Variants in PPARGC1A observed in about 807,000 individuals in gnomAD.
PPARGC1A encodes PPARG coactivator 1 alpha.
PPARGC1A carries 25 observed loss-of-function variants against 88.7 expected under a neutral mutation model. The ratio of observed to expected loss-of-function variants is 0.28; its 90% CI spans 0.21 to 0.39. The LOEUF (loss-of-function observed/expected upper bound fraction) is 0.39. PPARGC1A is among the 10% of genes least tolerant of loss of function. The pLI, the probability that PPARGC1A is intolerant of heterozygous loss-of-function variation, is 1.00. For missense variants in PPARGC1A, 880 were observed against 968.7 expected, an observed-to-expected ratio of 0.91 and a Z score of 1.22; for synonymous variants, 363 against 355.6, an observed-to-expected ratio of 1.02 and a Z score of -0.24.
chr4:24,282,428 C>T, the PPARGC1A span, among the ~76,000 whole-genome samples: 1 of 152,132 alleles, frequency 6.6e-6, no homozygotes, highest in Admixed American at 6.5e-5. Flanking sequence ...TTGTTGCCCC[C>T]AAATCAGCTG....
At chr4:24,423,302 C>T in the PPARGC1A span, among the ~76,000 whole-genome samples, 2 of 152,190 alleles carry the variant, frequency 1.3e-5, no homozygotes, top group African/African-American at 2.4e-5. Flanking sequence ...CCATGTTTGA[C>T]TTGCTTTCTC....
chr4:24,128,286 A>C, the PPARGC1A span, among the ~76,000 whole-genome samples: 1 of 152,224 alleles, frequency 6.6e-6, no homozygotes, highest in South Asian at 2.1e-4. Flanking sequence ...AAATGGAGAC[A>C]TTAATACTAG....
the PPARGC1A span, among the ~76,000 whole-genome samples, chr4:24,095,219 G>A: frequency 6.8e-6 from 1 of 147,814 alleles, no homozygotes; most frequent in Admixed American, 6.8e-5. Context: ...CCGGGTTCAA[G>A]CAATTCTCCT....
At chr4:23,927,503 C>A in the PPARGC1A span, among the ~76,000 whole-genome samples, 1 of 151,976 alleles carries the variant, frequency 6.6e-6, no homozygotes, top group Non-Finnish European at 1.5e-5. Flanking sequence ...GGATCTGTTT[C>A]ACCTTTCTTG....
intron 1 of PPARGC1A, among the ~76,000 whole-genome samples, chr4:23,896,820 GA>G (rs1560533233): frequency 4.6e-5 from 7 of 152,154 alleles, no homozygotes; most frequent in African/African-American, 1.7e-4. Context: ...ACTAACTGGG[GA>G]AAAAAGGAGG....
chr4:24,155,118 T>C, the PPARGC1A span, among the ~76,000 whole-genome samples: 5 of 139,518 alleles, frequency 3.6e-5, no homozygotes, highest in Admixed American at 2.7e-4. Flanking sequence ...CGAACCTCGG[T>C]TTTGTTTTTT....
chr4:24,381,795 T>C, the PPARGC1A span, among the ~76,000 whole-genome samples: 4 of 152,252 alleles, frequency 2.6e-5, no homozygotes, highest in African/African-American at 4.8e-5. Context: ...GCTATACAAC[T>C]CTTTCATCAT....
At chr4:24,462,311 G>A in the PPARGC1A span, among the ~76,000 whole-genome samples, 1 of 150,432 alleles carries the variant, frequency 6.6e-6, no homozygotes, top group African/African-American at 2.5e-5. Context: ...TAGTCAGGCT[G>A]GTCTCGAACT....
the PPARGC1A span, among the ~76,000 whole-genome samples, chr4:24,384,906 A>G: frequency 6.6e-6 from 1 of 152,232 alleles, no homozygotes; most frequent in African/African-American, 2.4e-5. Flanking sequence ...ATAGACATTT[A>G]CAGAATTCTC....
chr4:23,945,068 G>C, the PPARGC1A span, among the ~76,000 whole-genome samples: 1 of 152,014 alleles, frequency 6.6e-6, no homozygotes, highest in East Asian at 1.9e-4. Context: ...ATAGGGGCTA[G>C]TATGTATAAA....
chr4:23,809,402 C>T (rs1000217526), intron 10 of PPARGC1A, among the ~76,000 whole-genome samples: 2 of 152,112 alleles, frequency 1.3e-5, no homozygotes, highest in Admixed American at 1.3e-4. Flanking sequence ...AGGCTATCTT[C>T]CACCATTCCC....
the PPARGC1A span, among the ~76,000 whole-genome samples, chr4:24,256,947 G>A: frequency 8.2e-4 from 125 of 152,268 alleles, no homozygotes; most frequent in African/African-American, 2.9e-3. Flanking sequence ...TGGAAATCAT[G>A]GAAATGAGCT....
chr4:24,166,298 T>C, the PPARGC1A span, among the ~76,000 whole-genome samples: 1 of 152,180 alleles, frequency 6.6e-6, no homozygotes, highest in Non-Finnish European at 1.5e-5. Flanking sequence ...AAGAAAGAAG[T>C]CATCTCCATA....
chr4:24,314,934 G>T, the PPARGC1A span, among the ~76,000 whole-genome samples: 1 of 151,042 alleles, frequency 6.6e-6, no homozygotes, highest in Non-Finnish European at 1.5e-5. Flanking sequence ...ACCCAAAAAG[G>T]TTAATTAATA....
At chr4:23,944,035 G>T in the PPARGC1A span, among the ~76,000 whole-genome samples, 1 of 152,200 alleles carries the variant, frequency 6.6e-6, no homozygotes. Context: ...TGTCCTAGAT[G>T]GGATCCTGGA....
chr4:24,424,114 T>G, the PPARGC1A span, among the ~76,000 whole-genome samples: 8 of 152,122 alleles, frequency 5.3e-5, no homozygotes, highest in Non-Finnish European at 1.0e-4. Context: ...CTAAAAAATG[T>G]TTTGTAGAGT....
the PPARGC1A span, among the ~76,000 whole-genome samples, chr4:24,136,924 A>G: frequency 1.3e-5 from 2 of 151,894 alleles, no homozygotes; most frequent in African/African-American, 4.8e-5. Context: ...AACCAGCCTG[A>G]TCAACATGGT....
At chr4:24,118,995 C>T in the PPARGC1A span, among the ~76,000 whole-genome samples, 2 of 152,272 alleles carry the variant, frequency 1.3e-5, no homozygotes, top group South Asian at 2.1e-4. Flanking sequence ...GTTTCTAGTG[C>T]ATCAGCCAGA....
chr4:24,063,793 G>T, the PPARGC1A span, among the ~76,000 whole-genome samples: 1 of 152,118 alleles, frequency 6.6e-6, no homozygotes, highest in African/African-American at 2.4e-5. Flanking sequence ...TGCTATTCCA[G>T]TCCTGGGGCT....
Sources: gnomAD v4.1 joint callset for allele counts (sites outside exome capture counted in the v4.1 genomes callset) on GRCh38, gnomAD v4.1.1 for gene constraint, MANE v1.5 for transcripts, NCBI Gene and HGNC (gene_info 2026-07-23, HGNC 2026-07-21) for gene names.